Variants in NDUFB7 observed in about 807,000 individuals in gnomAD.
NDUFB7 encodes the protein NADH dehydrogenase [ubiquinone] 1 beta subcomplex subunit 7.
In NDUFB7, 18 loss-of-function variants were observed where a neutral mutation model predicts 14.7. The observed-to-expected ratio is 1.22, with a 90% confidence interval of 0.85 to 1.81. The LOEUF (loss-of-function observed/expected upper bound fraction) is 1.81. NDUFB7 is among the 40% of genes most tolerant of loss of function. The probability of loss-of-function intolerance (pLI) is 0.00; values close to 1 mark genes in which losing one functional copy is unlikely to be tolerated. For synonymous variants in NDUFB7, 86 were observed against 76.1 expected (o/e 1.13, Z -0.68); for missense variants, 219 against 195.0 (o/e 1.12, Z -0.73).
In NDUFB7 at chr19:14,566,764, C is replaced by T; in HGVS notation, c.281+1G>A. 1 of 1,542,696 alleles carries T rather than the reference C, an allele frequency of 6.5e-7. No homozygotes were observed. The highest frequency in any genetic ancestry group is 1.4e-5 in the African/African-American group (1 of 72,870). ...TTGGGGGCTGGTGTGGGGGTGCTCA[C>T]TCGCGGTGCTCGCAGTAGTCCCAGT... is the stretch of plus-strand genomic sequence containing the variant. On this transcript the variant is annotated splice_donor_variant, in intron 2 of 2. Transcript: ENST00000215565. LOFTEE classifies it high-confidence loss of function.
intron 1 of NDUFB7, among the ~76,000 whole-genome samples, chr19:14,571,469 C>T (rs2074124555): frequency 6.6e-6 from 1 of 152,114 alleles, no homozygotes; most frequent in Non-Finnish European, 1.5e-5. Flanking sequence ...TGGTGGTACA[C>T]ATCTGTAATC....
Position 14,571,962 on chromosome 19 carries a change from G to A in NDUFB7, c.39C>T (p.Ala13=). ...AHLVRRYLGD[A]SVEPDPLQMP... ...TCTGCAGGGGGTCGGGCTCCACCGA[G>A]GCATCGCCCAGGTAGCGCCGGACCA... is the stretch of plus-strand genomic sequence containing the variant. Residue 13 remains alanine, a synonymous_variant, in exon 1 of 3, where the codon GCC becomes GCT. Transcript: ENST00000215565. 3 of 1,610,910 alleles carry A rather than the reference G, an allele frequency of 1.9e-6. No individual in the cohort carries two copies. Among genetic ancestry groups the A allele is most frequent in the South Asian group, 1.1e-5 (1 of 90,556 alleles).
At chr19:14,568,643 CAG>C (rs1455434514) in intron 1 of NDUFB7, among the ~76,000 whole-genome samples, 2 of 152,310 alleles carry the variant, frequency 1.3e-5, no homozygotes, top group East Asian at 3.9e-4. Flanking sequence ...AGACAGAAGA[CAG>C]AGCACCACAG....
At chr19:14,566,324 C>G in intron 2 of NDUFB7, 59 bp from the exon 3 acceptor site, 1 of 1,609,046 alleles carries the variant, frequency 6.2e-7, no homozygotes, top group African/African-American at 1.3e-5. Context: ...GCCCCCCAAG[C>G]CCTGGGAAGC....
chr19:14,566,853 G>T lies in NDUFB7; in HGVS notation c.193C>A (p.Arg65=). 2 of 1,568,152 alleles carry T rather than the reference G, an allele frequency of 1.3e-6. No individual in the cohort carries two copies. The change falls in exon 2 of 3, where the codon CGG becomes AGG. Residue 65 remains arginine (R), a synonymous_variant. Transcript: ENST00000215565. ...LRDYCAHHLI[R]LLKCKRDSFP... is the part of the protein sequence containing the mutation. The stretch of plus-strand genomic sequence containing the variant: ...CTGTCACGCTTGCACTTGAGCAGCC[G>T]GATGAGGTGGTGGGCGCAGTAGTCC...
intron 1 of NDUFB7, among the ~76,000 whole-genome samples, chr19:14,570,554 C>T (rs1488827465): frequency 6.6e-6 from 1 of 151,988 alleles, no homozygotes; most frequent in Non-Finnish European, 1.5e-5. Context: ...CCAGGCTGGT[C>T]TCAAACTCCT....
chr19:14,566,303 G>A lies in NDUFB7; in HGVS notation c.282-38C>T, dbSNP rs538819469. The A allele has an allele frequency of 7.4e-6, 12 of 1,612,538 alleles. No homozygotes were observed. In the East Asian group the frequency reaches 2.5e-4, roughly 33 times the overall value. ...CACGAGAGGGGCTGTCAGGGTCCCTGGCCAGGACACGCCCCCCAAGCCCTG... is the reference window on the plus strand; with the variant it reads ...CACGAGAGGGGCTGTCAGGGTCCCTAGCCAGGACACGCCCCCCAAGCCCTG... On this transcript the variant is annotated intron_variant, in intron 2 of 2. Coordinates refer to ENST00000215565, the MANE Select transcript of NDUFB7 (RefSeq NM_004146.6).
intron 1 of NDUFB7, among the ~76,000 whole-genome samples, chr19:14,569,183 G>A (rs2074110338): frequency 6.6e-6 from 1 of 152,070 alleles, no homozygotes; most frequent in African/African-American, 2.4e-5. Flanking sequence ...CAGTGATCTA[G>A]GAGGGAGGGA....
At chr19:14,570,874 C>T (rs2146644475) in intron 1 of NDUFB7, among the ~76,000 whole-genome samples, 1 of 152,246 alleles carries the variant, frequency 6.6e-6, no homozygotes, top group East Asian at 1.9e-4. Context: ...AACCAAAAAA[C>T]CATCCTGGGC....
rs2074095923 is a variant in NDUFB7 at position 14,567,122 on chromosome 19, T to C, written c.113-189A>G. On this transcript the variant is annotated intron_variant, in intron 1 of 2. Transcript: ENST00000215565. This position sits in a 1 kb window ranked among gnomAD's most constrained non-coding sequence, Gnocchi z 5.1. Reference sequence around the variant, plus strand: ...TCCTGAAGGGGCCTCCTTTTCTAATTTGCACAAAGGCAACTCCAGACACCA... The same window carrying C: ...TCCTGAAGGGGCCTCCTTTTCTAATCTGCACAAAGGCAACTCCAGACACCA... 6.6e-6 allele frequency among the ~76,000 whole-genome samples: 1 copy of C among 151,886 alleles called. No individual in the cohort carries two copies. Among genetic ancestry groups the C allele is most frequent in the African/African-American group, 2.4e-5 (1 of 41,340 alleles).
At chr19:14,566,399 C>T (rs533481959) in intron 2 of NDUFB7, 134 bp from the exon 3 acceptor site, 14 of 1,450,196 alleles carry the variant, frequency 9.7e-6, no homozygotes, top group Middle Eastern at 2.1e-4. Flanking sequence ...GTGCCTGTGG[C>T]TTGGGTCTGG....
intron 1 of NDUFB7, among the ~76,000 whole-genome samples, chr19:14,571,564 C>A (rs2074125114): frequency 6.6e-6 from 1 of 151,764 alleles, no homozygotes; most frequent in African/African-American, 2.4e-5. Flanking sequence ...AGCCACTGCA[C>A]TCCAGCCTGA....
intron 1 of NDUFB7, among the ~76,000 whole-genome samples, chr19:14,571,627 C>T (rs2074125469): frequency 2.0e-5 from 3 of 151,928 alleles, no homozygotes. Flanking sequence ...CTCGACCCAG[C>T]TCTGCGCGTC....
At chr19:14,571,849 G>T (rs1242615394) in intron 1 of NDUFB7, 40 bp downstream of exon 1, 33 of 1,569,486 alleles carry the variant, frequency 2.1e-5, no homozygotes, top group Non-Finnish European at 2.8e-5. Flanking sequence ...AGGCACCCGC[G>T]CCCCACGCCC....
chr19:14,570,665 G>A (rs540573467), intron 1 of NDUFB7, among the ~76,000 whole-genome samples: 1 of 152,278 alleles, frequency 6.6e-6, no homozygotes, highest in Admixed American at 6.5e-5. Context: ...TCCAGCCACT[G>A]CCTCTTGGAA....
chr19:14,567,058 G>C lies in NDUFB7; in HGVS notation c.113-125C>G. ...TTGGGGTGTCCCCCATTCACATCCA[G>C]ATGGCAGTGGATGGCAGATGCCTTT... On this transcript the variant is annotated intron_variant, in intron 1 of 2. Coordinates refer to ENST00000215565, the MANE Select transcript of NDUFB7 (RefSeq NM_004146.6). The surrounding 1 kb of genome is among the most constrained non-coding windows in gnomAD (Gnocchi z 5.1). The C allele has an allele frequency of 1.2e-6, 1 of 861,148 alleles. No homozygotes were observed. The highest frequency in any genetic ancestry group is 1.8e-6 in the Non-Finnish European group (1 of 568,420). The allele number at this position is 861,148 out of a possible 1,614,324, so 53.3% of individuals were successfully genotyped here. A position where few individuals can be genotyped will look rare whatever the true frequency, so the allele number is the denominator to read the frequency against.
At position 14,571,904 on chromosome 19, in the gene NDUFB7, CG is replaced by C; in HGVS notation, c.96del (p.Glu33AsnfsTer14). The C allele has an allele frequency of 1.2e-6, 2 of 1,610,364 alleles. No individual in the cohort carries two copies. Among genetic ancestry groups the C allele is most frequent in the South Asian group, 1.1e-5 (1 of 90,468 alleles). ...MPTFPPDYGF[P>X]ERKEREMVAT... The stretch of plus-strand genomic sequence containing the variant: ...TGGGCCTCACCGCGCTCCTTGCGTT[CG>C]GGGAAGCCGTAGTCTGGCGGGAAGG... On this transcript the variant is annotated frameshift_variant, in exon 1 of 3. Coordinates refer to ENST00000215565, the MANE Select transcript of NDUFB7 (RefSeq NM_004146.6). LOFTEE classifies it high-confidence loss of function.
chr19:14,566,343 C>A, intron 2 of NDUFB7, 78 bp from the exon 3 acceptor site: 1 of 1,597,788 alleles, frequency 6.3e-7, no homozygotes, highest in Non-Finnish European at 8.5e-7. Flanking sequence ...GCGGAGGGGC[C>A]GTCCCAGAGC....
chr19:14,569,683 A>C lies in NDUFB7; in HGVS notation c.112+2206T>G, dbSNP rs370372829. Among the ~76,000 whole-genome samples, 222 of 152,262 alleles carry C rather than the reference A, an allele frequency of 1.5e-3. 4 individuals carry two copies. The South Asian group carries it at 0.045, about 31-fold the overall frequency. On this transcript the variant is annotated intron_variant, in intron 1 of 2. Transcript: ENST00000215565. ...CAGCTGGGGCGGAAGGACTACCCGG[A>C]GTGTGGACACTGGAGTGATTATACC... is the stretch of plus-strand genomic sequence containing the variant.
Sources: gnomAD v4.1 joint callset for allele counts (sites outside exome capture counted in the v4.1 genomes callset) on GRCh38, gnomAD v4.1.1 for gene constraint, Gnocchi (gnomAD v3.1) non-coding constraint, MANE v1.5 for transcripts, NCBI Gene and HGNC (gene_info 2026-07-23, HGNC 2026-07-21) for gene names.